Variants in RAD23B observed in about 807,000 individuals in gnomAD.
RAD23B encodes lysine-specific demethylase RAD23B.
In RAD23B, 5 loss-of-function variants were observed where a neutral mutation model predicts 49.1. That is an observed-to-expected ratio of 0.10 (90% CI 0.05 to 0.21). The LOEUF is 0.21. Among genes scored for constraint, RAD23B ranks in the 10% least tolerant of loss-of-function variants. The pLI is 1.00. For synonymous variants in RAD23B, 184 were observed against 165.4 expected, an observed-to-expected ratio of 1.11 and a Z score of -0.86; for missense variants, 356 against 486.7, an observed-to-expected ratio of 0.73 and a Z score of 2.53.
chr9:107,309,167 G>A (rs190516117), intron 4 of RAD23B, among the ~76,000 whole-genome samples: 14 of 152,310 alleles, frequency 9.2e-5, no homozygotes, highest in Middle Eastern at 3.4e-3. Flanking sequence ...CACTGGGAGT[G>A]TGTTTGACAT....
At chr9:107,296,434 A>G (rs2133069687) in intron 1 of RAD23B, among the ~76,000 whole-genome samples, 1 of 152,200 alleles carries the variant, frequency 6.6e-6, no homozygotes, top group East Asian at 1.9e-4. Flanking sequence ...TGAGGCATCA[A>G]AATTTATGTC....
intron 5 of RAD23B, among the ~76,000 whole-genome samples, chr9:107,317,070 A>G (rs1827012199): frequency 1.4e-5 from 2 of 148,040 alleles, no homozygotes. Flanking sequence ...CAGAAATAAA[A>G]TGAGGGGTTT....
chr9:107,325,809 C>A (rs1229704707), intron 9 of RAD23B, among the ~76,000 whole-genome samples: 1 of 152,214 alleles, frequency 6.6e-6, no homozygotes, highest in East Asian at 1.9e-4. Flanking sequence ...ACATCCTTGT[C>A]TGGTTCTTGA....
intron 1 of RAD23B, among the ~76,000 whole-genome samples, chr9:107,290,332 T>G (rs923359705): frequency 6.6e-6 from 1 of 152,210 alleles, no homozygotes; most frequent in African/African-American, 2.4e-5. Flanking sequence ...AGATCTTTTC[T>G]CTTCATCACT....
intron 1 of RAD23B, among the ~76,000 whole-genome samples, chr9:107,297,346 G>T (rs1413658239): frequency 6.6e-6 from 1 of 151,654 alleles, no homozygotes; most frequent in Non-Finnish European, 1.5e-5. Flanking sequence ...TGTTTGTTTT[G>T]TTTTGTTTTT....
chr9:107,296,793 C>T (rs991557211), intron 1 of RAD23B, among the ~76,000 whole-genome samples: 3 of 152,048 alleles, frequency 2.0e-5, no homozygotes, highest in East Asian at 1.9e-4. Flanking sequence ...CTTCGGCCTT[C>T]CAGGGTGTTG....
intron 1 of RAD23B, among the ~76,000 whole-genome samples, chr9:107,286,515 C>A (rs1833275101): frequency 6.6e-6 from 1 of 152,144 alleles, no homozygotes; most frequent in Non-Finnish European, 1.5e-5. Flanking sequence ...ATTACATGAC[C>A]ACTGCCTTTA....
At chr9:107,322,211 C>T in intron 7 of RAD23B, 93 bp downstream of exon 7, 1 of 1,379,826 alleles carries the variant, frequency 7.2e-7, no homozygotes, top group Non-Finnish European at 9.7e-7. Context: ...GACGTTCATT[C>T]CCAGAGCAGT....
At chr9:107,284,452 C>G (rs761353490) in intron 1 of RAD23B, among the ~76,000 whole-genome samples, 2 of 150,206 alleles carry the variant, frequency 1.3e-5, no homozygotes, top group African/African-American at 2.4e-5. Flanking sequence ...CACCCTCCCC[C>G]GATGCCCCAA....
chr9:107,299,113 G>A (rs953746966), intron 1 of RAD23B, among the ~76,000 whole-genome samples: 1 of 152,092 alleles, frequency 6.6e-6, no homozygotes, highest in Non-Finnish European at 1.5e-5. Context: ...AGAGTTTTGA[G>A]GATTGTGTGA....
chr9:107,312,384 T>G (rs1291186621), intron 5 of RAD23B, among the ~76,000 whole-genome samples: 1 of 152,114 alleles, frequency 6.6e-6, no homozygotes, highest in Admixed American at 6.6e-5. Flanking sequence ...AAGCGAGGAA[T>G]AGGTAGAAAC....
In RAD23B at chr9:107,311,707, A is replaced by G. The variant is rs754145429; in HGVS notation, c.523A>G (p.Asn175Asp). The G allele has an allele frequency of 6.4e-7, 1 of 1,571,772 alleles. No homozygotes were observed. The highest frequency in any genetic ancestry group is 8.6e-7 in the Non-Finnish European group (1 of 1,167,252). ...DSTSGDSSRSNLFEDATSALV... is the reference protein window; with the variant it reads ...DSTSGDSSRSDLFEDATSALV... ...TACATCGGGTGATTCTTCTCGGTCAAACCTTTTTGAAGATGCAACGAGTGC... is the reference window on the plus strand; with the variant it reads ...TACATCGGGTGATTCTTCTCGGTCAGACCTTTTTGAAGATGCAACGAGTGC... Residue 175 changes from asparagine (N) to aspartate (D), a missense_variant, in exon 5 of 10, where the codon AAC becomes GAC. Physicochemically the swap from Asn to Asp is conservative, Grantham distance 23 (BLOSUM62 1). Coordinates refer to ENST00000358015, the MANE Select transcript of RAD23B (RefSeq NM_002874.5).
At chr9:107,289,007 G>A (rs2133062892) in intron 1 of RAD23B, among the ~76,000 whole-genome samples, 1 of 151,842 alleles carries the variant, frequency 6.6e-6, no homozygotes, top group South Asian at 2.1e-4. Context: ...CTTTGTCTCT[G>A]TCTCTCTTTT....
At chr9:107,306,002 T>TA (rs1826753603) in intron 3 of RAD23B, among the ~76,000 whole-genome samples, 1 of 143,752 alleles carries the variant, frequency 7.0e-6, no homozygotes, top group African/African-American at 2.5e-5. Context: ...ACCTTAAAGT[T>TA]ACAACTTAGG....
intron 1 of RAD23B, chr9:107,284,619 C>A: frequency 1.5e-6 from 1 of 678,908 alleles, no homozygotes; most frequent in Non-Finnish European, 1.9e-6. Flanking sequence ...GTCAGTACAA[C>A]TTTATGCCAA....
intron 1 of RAD23B, among the ~76,000 whole-genome samples, chr9:107,294,570 C>G (rs552842655): frequency 6.6e-6 from 1 of 152,266 alleles, no homozygotes; most frequent in African/African-American, 2.4e-5. Context: ...TTGAAGCATC[C>G]AGAAAGAAGG....
At chr9:107,324,555 TTTTTTTGTTTG>T (rs1268183637) in intron 8 of RAD23B, among the ~76,000 whole-genome samples, 4 of 151,476 alleles carry the variant, frequency 2.6e-5, no homozygotes, top group African/African-American at 4.9e-5. Flanking sequence ...CCACAGTAGT[TTTTTTTGTTTG>T]TTTTTTGTTT....
At chr9:107,291,857 T>A (rs963059772) in intron 1 of RAD23B, among the ~76,000 whole-genome samples, 7 of 152,256 alleles carry the variant, frequency 4.6e-5, no homozygotes, top group African/African-American at 1.4e-4. Context: ...CTGCTATTAT[T>A]TTTTAATTAG....
chr9:107,284,272 C>T (rs1833227166), intron 1 of RAD23B: 4 of 965,664 alleles, frequency 4.1e-6, no homozygotes, highest in Non-Finnish European at 3.7e-6. Flanking sequence ...CTGCTGCCTT[C>T]CTCCCGCCAC....
Sources: gnomAD v4.1 joint callset for allele counts (sites outside exome capture counted in the v4.1 genomes callset) on GRCh38, gnomAD v4.1.1 for gene constraint, MANE v1.5 for transcripts, NCBI Gene and HGNC (gene_info 2026-07-23, HGNC 2026-07-21) for gene names.